Variants in KNOP1 observed in about 807,000 individuals in gnomAD.
KNOP1 encodes lysine rich nucleolar protein 1.
Under a neutral mutation model 30.6 loss-of-function variants are expected in KNOP1, and 20 were observed. The ratio of observed to expected loss-of-function variants is 0.65; its 90% CI spans 0.46 to 0.95. The LOEUF (loss-of-function observed/expected upper bound fraction) is 0.95, where lower values mean the gene tolerates loss of function less well. Ranked by LOEUF, KNOP1 falls within the 40% of genes least tolerant of loss-of-function variation. The pLI, the probability that KNOP1 is intolerant of heterozygous loss-of-function variation, is 0.00. For synonymous variants in KNOP1, 204 were observed against 210.0 expected, an observed-to-expected ratio of 0.97 and a Z score of 0.25; for missense variants, 540 against 562.0, an observed-to-expected ratio of 0.96 and a Z score of 0.40.
Position 19,704,637 on chromosome 16 carries a change from C to T in KNOP1, c.*2273G>A, listed in dbSNP as rs547396623. 1.3e-5 allele frequency: 2 copies of T among 153,192 alleles called. No homozygotes were observed. The highest frequency in any genetic ancestry group is 3.9e-4 in the East Asian group (2 of 5,194). 9.5% of individuals were successfully genotyped at this position (153,192 alleles called of 1,614,324 possible). ...GTTCCTGTTTACACCAGGCACATTCCTGTAGTGTTGCTCAAGGTCAGGAGG... is the reference window on the plus strand; with the variant it reads ...GTTCCTGTTTACACCAGGCACATTCTTGTAGTGTTGCTCAAGGTCAGGAGG... On this transcript the variant is annotated 3_prime_UTR_variant, in exon 5 of 5. Transcript: ENST00000219837.
chr16:19,717,263 C>T (rs1875030504), intron 1 of KNOP1: 2 of 970,068 alleles, frequency 2.1e-6, no homozygotes, highest in Non-Finnish European at 2.5e-6. Flanking sequence ...AACGTACTGC[C>T]CGCGGATAAT....
At chr16:19,710,190 A>G in intron 4 of KNOP1, 1 of 411,958 alleles carries the variant, frequency 2.4e-6, no homozygotes, top group Non-Finnish European at 4.5e-6. Flanking sequence ...GGCATCGTCC[A>G]CCACTGGCAA....
intron 2 of KNOP1, among the ~76,000 whole-genome samples, chr16:19,713,502 G>T (rs1010398979): frequency 1.3e-5 from 2 of 152,142 alleles, no homozygotes; most frequent in African/African-American, 2.4e-5. Flanking sequence ...TCTTCCTTTG[G>T]GGGTGGCTGA....
intron 2 of KNOP1, among the ~76,000 whole-genome samples, chr16:19,713,867 G>A (rs1976845037): frequency 6.6e-6 from 1 of 152,112 alleles, no homozygotes; most frequent in South Asian, 2.1e-4. Context: ...CAGTAGCAAA[G>A]GATACCTGCA....
At chr16:19,710,936 TC>T (rs1393365769) in intron 3 of KNOP1, among the ~76,000 whole-genome samples, 61 of 111,116 alleles carry the variant, frequency 5.5e-4, no homozygotes, top group African/African-American at 2.1e-3. Context: ...AAAAAAAAAA[TC>T]CCCAAGGCCA....
At position 19,705,312 on chromosome 16, in the gene KNOP1, C is replaced by T. The variant is rs892126188; in HGVS notation, c.*1598G>A. On this transcript the variant is annotated 3_prime_UTR_variant, in exon 5 of 5. Transcript: ENST00000219837. Reference sequence around the variant, plus strand: ...CTGGGATGTCTGTAGGAGGCATGTTCAGGCCAAACGATCGTGAAAATGTCC... The same window carrying T: ...CTGGGATGTCTGTAGGAGGCATGTTTAGGCCAAACGATCGTGAAAATGTCC... The T allele has an allele frequency of 1.8e-5, 8 of 453,384 alleles. No individual in the cohort carries two copies. Among genetic ancestry groups the T allele is most frequent in the Non-Finnish European group, 3.6e-5 (8 of 225,290 alleles). The allele number at this position is 453,384 out of a possible 1,614,324, so 28.1% of individuals were successfully genotyped here.
At chr16:19,717,495 A>T (rs1024226658) in intron 1 of KNOP1, 1 of 985,282 alleles carries the variant, frequency 1.0e-6, no homozygotes, top group Non-Finnish European at 1.2e-6. Context: ...TCTGGTAAGA[A>T]CAAAGAATCC....
intron 1 of KNOP1, 38 bp from the exon 2 acceptor site, chr16:19,715,075 C>G (rs1976954949): frequency 6.9e-7 from 1 of 1,446,894 alleles, no homozygotes; most frequent in South Asian, 1.4e-5. Context: ...CCATACCAAG[C>G]CATCCTGTGT....
In KNOP1 at chr16:19,701,994, CT is replaced by C. The variant is rs201953925; in HGVS notation, c.*4915del. 6.7e-6 allele frequency: 1 copy of C among 149,904 alleles called. No individual in the cohort carries two copies. Among genetic ancestry groups the C allele is most frequent in the Non-Finnish European group, 1.5e-5 (1 of 67,704 alleles). The allele number at this position is 149,904 out of a possible 1,614,324, so 9.3% of individuals were successfully genotyped here. A position where few individuals can be genotyped will look rare whatever the true frequency, so the allele number is the denominator to read the frequency against. ...ATTTCACAAAATTCTGTTTTTTTTT[CT>C]TTTTTTTGAGACAGTTTCACTCTTG... On this transcript the variant is annotated 3_prime_UTR_variant, in exon 5 of 5. Coordinates refer to ENST00000219837, the MANE Select transcript of KNOP1 (RefSeq NM_001012991.3).
intron 4 of KNOP1, among the ~76,000 whole-genome samples, chr16:19,709,935 G>A (rs1030327071): frequency 2.6e-5 from 4 of 152,132 alleles, no homozygotes; most frequent in African/African-American, 9.7e-5. Context: ...GGGATCACAT[G>A]GGCTTCATCT....
In KNOP1 at chr16:19,702,432, C is replaced by T. The variant is rs911225250; in HGVS notation, c.*4478G>A. 1 of 152,226 alleles carries T rather than the reference C, an allele frequency of 6.6e-6. No individual in the cohort carries two copies. The highest frequency in any genetic ancestry group is 2.1e-4 in the South Asian group (1 of 4,824). The allele number at this position is 152,226 out of a possible 1,614,324, so 9.4% of individuals were successfully genotyped here. On this transcript the variant is annotated 3_prime_UTR_variant, in exon 5 of 5. Transcript: ENST00000219837. ...TGGTGGGCAGCATTAGTTCCCAAGC[C>T]TAGGCCAGTGAATTCTTACCGCTCT... is the stretch of plus-strand genomic sequence containing the variant.
rs1047781039 is a variant in KNOP1, at chr16:19,705,669, A to T, written c.*1241T>A. ...AGCTCTTGGGGGCTGAGGCAGGAGC[A>T]TGAGTTGAGTCCAGGAGTTTGGGAC... On this transcript the variant is annotated 3_prime_UTR_variant, in exon 5 of 5. Transcript: ENST00000219837. 3 of 205,122 alleles carry T rather than the reference A, an allele frequency of 1.5e-5. No homozygotes were observed. In the Admixed American group the frequency reaches 1.7e-4, roughly 11 times the overall value. The allele number at this position is 205,122 out of a possible 1,614,324, so 12.7% of individuals were successfully genotyped here.
chr16:19,711,336 G>A, intron 3 of KNOP1, 36 bp downstream of exon 3: 1 of 1,605,014 alleles, frequency 6.2e-7, no homozygotes, highest in African/African-American at 1.3e-5. Context: ...GTGGCAGGAG[G>A]CAGCGGGAGG....
chr16:19,715,977 C>A (rs980663754), intron 1 of KNOP1, among the ~76,000 whole-genome samples: 1 of 152,148 alleles, frequency 6.6e-6, no homozygotes, highest in Admixed American at 6.5e-5. Flanking sequence ...AAGTTAGGAT[C>A]ATGGGAGGGA....
chr16:19,714,656 G>C lies in KNOP1; in HGVS notation c.380C>G (p.Ser127Cys), dbSNP rs1382408587. ...KKSPLAMSHASGVKTSPDPRQ... is the reference protein window; with the variant it reads ...KKSPLAMSHACGVKTSPDPRQ... Reference sequence around the variant, plus strand: ...AGGGTCTGGGGAGGTTTTCACCCCAGAGGCATGGGACATGGCTAGAGGTGA... The same window carrying C: ...AGGGTCTGGGGAGGTTTTCACCCCACAGGCATGGGACATGGCTAGAGGTGA... Residue 127 changes from serine (S) to cysteine (C), a missense_variant, in exon 2 of 5, where the codon TCT becomes TGT. Transcript: ENST00000219837. The C allele has an allele frequency of 1.2e-6, 2 of 1,614,096 alleles. No individual in the cohort carries two copies. The highest frequency in any genetic ancestry group is 2.2e-5 in the South Asian group (2 of 91,078).
At position 19,705,141 on chromosome 16, in the gene KNOP1, T is replaced by C. The variant is rs1369537814; in HGVS notation, c.*1769A>G. Reference sequence around the variant, plus strand: ...GGTCTTGATATGCTGCCTGGAACTGTTACTGCCATCTTTGTACTAGCCTTG... The same window carrying C: ...GGTCTTGATATGCTGCCTGGAACTGCTACTGCCATCTTTGTACTAGCCTTG... On this transcript the variant is annotated 3_prime_UTR_variant, in exon 5 of 5. Transcript: ENST00000219837. 1 of 456,026 alleles carries C rather than the reference T, an allele frequency of 2.2e-6. No homozygotes were observed. The highest frequency in any genetic ancestry group is 4.4e-6 in the Non-Finnish European group (1 of 226,758). 28.2% of individuals were successfully genotyped at this position (456,026 alleles called of 1,614,324 possible). A position where few individuals can be genotyped will look rare whatever the true frequency, so the allele number is the denominator to read the frequency against.
chr16:19,712,582 G>C (rs1276657306), intron 2 of KNOP1, among the ~76,000 whole-genome samples: 1 of 152,202 alleles, frequency 6.6e-6, no homozygotes, highest in Non-Finnish European at 1.5e-5. Context: ...CCTTAGACAA[G>C]GTATTAAGTC....
At position 19,705,299 on chromosome 16, in the gene KNOP1, T is replaced by TA; in HGVS notation, c.*1610dup. The TA allele has an allele frequency of 4.4e-6, 2 of 455,566 alleles. No individual in the cohort carries two copies. Among genetic ancestry groups the TA allele is most frequent in the South Asian group, 3.1e-5 (2 of 64,486 alleles). 28.2% of individuals were successfully genotyped at this position (455,566 alleles called of 1,614,324 possible). A position where few individuals can be genotyped will look rare whatever the true frequency, so the allele number is the denominator to read the frequency against. Reference sequence around the variant, plus strand: ...AGGCCTGCCTGGGCTGGGATGTCTGTAGGAGGCATGTTCAGGCCAAACGAT... The same window carrying TA: ...AGGCCTGCCTGGGCTGGGATGTCTGTAAGGAGGCATGTTCAGGCCAAACGAT... On this transcript the variant is annotated 3_prime_UTR_variant, in exon 5 of 5. Transcript: ENST00000219837.
In KNOP1 at chr16:19,714,864, C is replaced by A. The variant is rs1976932139; in HGVS notation, c.172G>T (p.Ala58Ser). 17 of 1,613,518 alleles carry A rather than the reference C, an allele frequency of 1.1e-5. No individual in the cohort carries two copies. The highest frequency in any genetic ancestry group is 1.4e-5 in the Non-Finnish European group (16 of 1,179,910). The change falls in exon 2 of 5, where the codon GCA (alanine) becomes TCA (serine). Residue 58 changes from alanine (A) to serine (S), a missense_variant. Coordinates refer to ENST00000219837, the MANE Select transcript of KNOP1 (RefSeq NM_001012991.3). The stretch of plus-strand genomic sequence containing the variant: ...TTCTTCACTAGAGGCATCTCAGGTG[C>A]CTGCCCATGGGCCACACTCTTAGAG... ...SPSKSVAHGQAPEMPLVKKKK... is the reference protein window; with the variant it reads ...SPSKSVAHGQSPEMPLVKKKK...
Sources: gnomAD v4.1 joint callset for allele counts (sites outside exome capture counted in the v4.1 genomes callset) on GRCh38, gnomAD v4.1.1 for gene constraint, MANE v1.5 for transcripts, NCBI Gene and HGNC (gene_info 2026-07-23, HGNC 2026-07-21) for gene names.